TLK1: variants seen among roughly 807,000 people sequenced by gnomAD.
TLK1 encodes serine/threonine-protein kinase tousled-like 1.
A neutral mutation model predicts 105.3 loss-of-function variants in TLK1; 24 were observed. That is an observed-to-expected ratio of 0.23 (90% CI 0.17 to 0.32). The LOEUF (loss-of-function observed/expected upper bound fraction) is 0.32, where lower values mean the gene tolerates loss of function less well. Among genes scored for constraint, TLK1 ranks in the 10% least tolerant of loss-of-function variants. TLK1 has a pLI of 1.00. For missense variants in TLK1, 558 were observed against 910.5 expected (o/e 0.61, Z 4.98); for synonymous variants, 321 against 310.4 (o/e 1.03, Z -0.36).
At chr2:171,229,107 A>G (rs1285319122) in intron 1 of TLK1, among the ~76,000 whole-genome samples, 2 of 152,192 alleles carry the variant, frequency 1.3e-5, no homozygotes, top group Non-Finnish European at 2.9e-5. Context: ...TTGTTTTCCA[A>G]TATTTTACTC....
At chr2:170,997,978 A>G (rs1575496484) in intron 18 of TLK1, among the ~76,000 whole-genome samples, 155 bp from the exon 19 acceptor site, 1 of 152,184 alleles carries the variant, frequency 6.6e-6, no homozygotes, top group Admixed American at 6.5e-5. Context: ...GAGCATTTAC[A>G]TTCTTTTATC....
chr2:171,043,153 T>G (rs1184996593), intron 11 of TLK1, among the ~76,000 whole-genome samples: 1 of 152,192 alleles, frequency 6.6e-6, no homozygotes, highest in Non-Finnish European at 1.5e-5. Flanking sequence ...GGCAGATTCC[T>G]AGTGTCATCA....
chr2:171,130,743 C>T (rs749690701), intron 1 of TLK1, among the ~76,000 whole-genome samples: 3 of 151,978 alleles, frequency 2.0e-5, no homozygotes, highest in Non-Finnish European at 2.9e-5. Flanking sequence ...ACAGGCTAGC[C>T]TACGTAGGAT....
In TLK1 at chr2:171,198,641, A is replaced by G. The variant is rs370951081; in HGVS notation, c.-6+32504T>C. On this transcript the variant is annotated intron_variant, in intron 1 of 20. Coordinates refer to the TLK1 transcript ENST00000521943. Reference sequence around the variant, plus strand: ...TGGGTTGGCAGTGATGAGAGTGGGAAGTTAGACAAGCATCCAAAGATGTGT... The same window carrying G: ...TGGGTTGGCAGTGATGAGAGTGGGAGGTTAGACAAGCATCCAAAGATGTGT... 3.8e-4 allele frequency among the ~76,000 whole-genome samples: 58 copies of G among 152,314 alleles called. 1 individual carries two copies. The East Asian group carries it at 0.011, about 28-fold the overall frequency.
Position 170,990,857 on chromosome 2 carries a change from T to C in TLK1, c.*2923A>G, listed in dbSNP as rs1470373521. ...CATTACTGCATTTAATAAGTAATGA[T>C]GAACAGCAAAACAACACACAATATA... On this transcript the variant is annotated 3_prime_UTR_variant, in exon 21 of 21. Transcript: ENST00000431350. The C allele has an allele frequency of 6.8e-6, 1 of 146,298 alleles. No homozygotes were observed. The highest frequency in any genetic ancestry group is 1.5e-5 in the Non-Finnish European group (1 of 65,768). 9.1% of individuals were successfully genotyped at this position (146,298 alleles called of 1,614,324 possible).
intron 2 of TLK1, among the ~76,000 whole-genome samples, chr2:171,090,006 TTTAA>T (rs1251146528): frequency 1.3e-5 from 2 of 152,178 alleles, no homozygotes; most frequent in Non-Finnish European, 2.9e-5. Flanking sequence ...CTGCTGGGAT[TTTAA>T]TTGGTATTGC....
intron 1 of TLK1, among the ~76,000 whole-genome samples, chr2:171,216,548 T>C (rs1441035761): frequency 6.6e-6 from 1 of 152,158 alleles, no homozygotes; most frequent in Non-Finnish European, 1.5e-5. Flanking sequence ...TCCAAGGTCT[T>C]ATTTGACTTG....
chr2:171,053,075 C>T (rs968973169), intron 8 of TLK1, among the ~76,000 whole-genome samples: 9 of 152,138 alleles, frequency 5.9e-5, no homozygotes, highest in African/African-American at 1.4e-4. Flanking sequence ...AAGTATACTT[C>T]TAGATGTATT....
intron 12 of TLK1, among the ~76,000 whole-genome samples, chr2:171,026,170 G>A (rs1307956056): frequency 6.6e-6 from 1 of 152,090 alleles, no homozygotes; most frequent in Admixed American, 6.6e-5. Flanking sequence ...GATTATGGAA[G>A]GGATAATTAT....
At chr2:171,138,364 T>C (rs1376894127) in intron 1 of TLK1, among the ~76,000 whole-genome samples, 3 of 152,210 alleles carry the variant, frequency 2.0e-5, no homozygotes, top group Admixed American at 2.0e-4. Flanking sequence ...AGAACTACTA[T>C]AAATTGGTCC....
chr2:171,043,381 T>C (rs1320656157), intron 11 of TLK1, among the ~76,000 whole-genome samples: 1 of 152,172 alleles, frequency 6.6e-6, no homozygotes, highest in East Asian at 1.9e-4. Flanking sequence ...ATGGCAACAA[T>C]GAGGCTAGAT....
intron 14 of TLK1, among the ~76,000 whole-genome samples, chr2:171,009,291 C>CTTTTTTTTTTTTTTTTTT (rs71008743): frequency 2.7e-5 from 2 of 74,832 alleles, no homozygotes; most frequent in African/African-American, 1.2e-4. Flanking sequence ...ATTTCTTTTC[C>CTTTTTTTTTTTTTTTTTT]TTTTTTTTTT....
chr2:171,058,442 A>G (rs1408508149), intron 4 of TLK1, among the ~76,000 whole-genome samples: 1 of 152,162 alleles, frequency 6.6e-6, no homozygotes, highest in Non-Finnish European at 1.5e-5. Context: ...CAGAAAAGCA[A>G]ATCAGTAAAT....
At chr2:171,161,082 C>G (rs1012063462), upstream of TLK1, among the ~76,000 whole-genome samples, 12 of 148,230 alleles carry the variant, frequency 8.1e-5, no homozygotes, top group African/African-American at 2.7e-4. Context: ...AGGGAAGAGA[C>G]TAGAGCGCCG....
At chr2:171,198,187 G>GA (rs900349624) in intron 1 of TLK1, among the ~76,000 whole-genome samples, 1 of 151,808 alleles carries the variant, frequency 6.6e-6, no homozygotes, top group African/African-American at 2.4e-5. Flanking sequence ...CAAGAACAGA[G>GA]AAAAAAAATG....
rs923041274 is a variant in TLK1 at position 171,014,796 on chromosome 2, G to A, written c.1334+55C>T. 4.8e-6 allele frequency: 6 copies of A among 1,257,662 alleles called. No homozygotes were observed. In the Admixed American group the frequency reaches 5.2e-5, roughly 11 times the overall value. The allele number at this position is 1,257,662 out of a possible 1,614,324, so 77.9% of individuals were successfully genotyped here. A position where few individuals can be genotyped will look rare whatever the true frequency, so the allele number is the denominator to read the frequency against. On this transcript the variant is annotated intron_variant, in intron 13 of 20. Coordinates refer to ENST00000431350, the MANE Select transcript of TLK1 (RefSeq NM_012290.5). The stretch of plus-strand genomic sequence containing the variant: ...GGAAATATTGTGTTTATGCTCTATG[G>A]GGGGCGGGGGTAGTTTTAATAATAT...
At position 171,006,161 on chromosome 2, in the gene TLK1, C is replaced by G. The variant is rs376766198; in HGVS notation, c.1890G>C (p.Gly630=). Residue 630 remains glycine, a synonymous_variant, in exon 18 of 21, where the codon GGG becomes GGC. Coordinates refer to ENST00000431350, the MANE Select transcript of TLK1 (RefSeq NM_012290.5). ...GVDGMDLTSQ[G]AGTYWYLPPE... Reference sequence around the variant, plus strand: ...AATACACTTACCAGTAAGTGCCTGCCCCCTGGGAAGTTAGATCCATTCCAT... The same window carrying G: ...AATACACTTACCAGTAAGTGCCTGCGCCCTGGGAAGTTAGATCCATTCCAT... 1.8e-4 allele frequency: 290 copies of G among 1,594,348 alleles called. No homozygotes were observed. The highest frequency in any genetic ancestry group is 2.4e-4 in the Non-Finnish European group (281 of 1,171,724).
At chr2:171,127,949 G>C (rs1690939445) in intron 1 of TLK1, among the ~76,000 whole-genome samples, 1 of 152,022 alleles carries the variant, frequency 6.6e-6, no homozygotes, top group African/African-American at 2.4e-5. Flanking sequence ...CCAAATGTCT[G>C]ACAACAGTAA....
intron 10 of TLK1, among the ~76,000 whole-genome samples, chr2:171,046,972 G>A (rs1686991885): frequency 6.6e-6 from 1 of 152,148 alleles, no homozygotes; most frequent in Non-Finnish European, 1.5e-5. Context: ...GGAAGTTGGT[G>A]TTTTGAAATG....
Sources: allele counts gnomAD v4.1 joint callset (sites outside exome capture counted in the v4.1 genomes callset), GRCh38; gene constraint gnomAD v4.1.1; transcripts MANE v1.5; gene names NCBI Gene and HGNC (gene_info 2026-07-23, HGNC 2026-07-21).